The following PRKG1 variants were observed in gnomAD, a reference collection of about 807,000 sequenced individuals.
PRKG1 encodes the protein protein kinase cGMP-dependent 1, also known as cGMP-dependent protein kinase 1.
In PRKG1, 35 loss-of-function variants were observed where a neutral mutation model predicts 88.1. The observed-to-expected ratio is 0.40, with a 90% CI of 0.30 to 0.53. PRKG1 has a LOEUF of 0.53. PRKG1 is among the 20% of genes least tolerant of loss of function. PRKG1 has a pLI of 0.59. For missense variants in PRKG1, 540 were observed against 839.8 expected (o/e 0.64, Z 4.41); for synonymous variants, 303 against 292.5 (o/e 1.04, Z -0.37).
chr10:51,792,038 T>C (rs1838882128), intron 3 of PRKG1, among the ~76,000 whole-genome samples: 1 of 152,108 alleles, frequency 6.6e-6, no homozygotes, highest in South Asian at 2.1e-4. Flanking sequence ...GAAGAAGCTA[T>C]TGAATGTTTG....
chr10:52,083,487 G>A lies in PRKG1; in HGVS notation c.935+20856G>A, dbSNP rs538248440. Among the ~76,000 whole-genome samples the A allele has an allele frequency of 4.6e-5, 7 of 152,022 alleles. No individual in the cohort carries two copies. The South Asian group carries it at 6.2e-4, about 14-fold the overall frequency. On this transcript the variant is annotated intron_variant, in intron 7 of 17. Coordinates refer to ENST00000373980, the MANE Select transcript of PRKG1 (RefSeq NM_006258.4). ...ATCCGGAACACTTTAGAACAGGACCGGAACATAATATTCTATGCAGTCCTT... is the reference window on the plus strand; with the variant it reads ...ATCCGGAACACTTTAGAACAGGACCAGAACATAATATTCTATGCAGTCCTT...
At chr10:51,255,715 T>C (rs7083539) in intron 2 of PRKG1, among the ~76,000 whole-genome samples, 1,772 of 152,246 alleles carry the variant, frequency 0.012, 32 homozygotes, top group African/African-American at 0.039. Context: ...TGAGGCACTT[T>C]TATTAAATGG....
chr10:52,186,371 C>G (rs1427111746), intron 9 of PRKG1, among the ~76,000 whole-genome samples: 1 of 152,044 alleles, frequency 6.6e-6, no homozygotes, highest in African/African-American at 2.4e-5. Context: ...GGGACTGTTG[C>G]TTGGTGTGAT....
At chr10:51,805,886 AT>A (rs1257060525) in intron 4 of PRKG1, among the ~76,000 whole-genome samples, 1 of 152,054 alleles carries the variant, frequency 6.6e-6, no homozygotes, top group African/African-American at 2.4e-5. Flanking sequence ...CAGGGTGTTG[AT>A]TTTTTTCCTC....
intron 1 of PRKG1, among the ~76,000 whole-genome samples, chr10:51,000,706 G>A (rs2132714383): frequency 6.6e-6 from 1 of 152,194 alleles, no homozygotes; most frequent in East Asian, 1.9e-4. Flanking sequence ...GTGTAGCTAT[G>A]TTGCTGAGGG....
intron 3 of PRKG1, among the ~76,000 whole-genome samples, chr10:51,646,568 C>T (rs961922068): frequency 4.0e-5 from 6 of 151,866 alleles, no homozygotes; most frequent in Non-Finnish European, 2.9e-5. Flanking sequence ...TACTTACATC[C>T]GTAAACATTT....
At chr10:51,540,416 C>T (rs1842270912) in intron 3 of PRKG1, among the ~76,000 whole-genome samples, 1 of 152,088 alleles carries the variant, frequency 6.6e-6, no homozygotes, top group African/African-American at 2.4e-5. Flanking sequence ...TTCTATCTGG[C>T]ACAATGGTAA....
chr10:52,006,671 AG>A (rs1293719392), intron 5 of PRKG1, among the ~76,000 whole-genome samples: 2 of 152,208 alleles, frequency 1.3e-5, no homozygotes, highest in Non-Finnish European at 2.9e-5. Context: ...TCCCTGAAAG[AG>A]GGAAAAAACA....
intron 9 of PRKG1, among the ~76,000 whole-genome samples, chr10:52,216,131 GA>G (rs1840105805): frequency 6.6e-6 from 1 of 152,192 alleles, no homozygotes; most frequent in Non-Finnish European, 1.5e-5. Flanking sequence ...CTGCTTCCAA[GA>G]ATGCAAAGGA....
chr10:50,995,518 G>T (rs2132709782), intron 1 of PRKG1, among the ~76,000 whole-genome samples: 1 of 152,296 alleles, frequency 6.6e-6, no homozygotes, highest in African/African-American at 2.4e-5. Context: ...TTGGATGATG[G>T]TGATGATATT....
At chr10:51,281,274 T>TG (rs1840287183) in intron 2 of PRKG1, among the ~76,000 whole-genome samples, 1 of 152,254 alleles carries the variant, frequency 6.6e-6, no homozygotes, top group South Asian at 2.1e-4. Flanking sequence ...CTGCCCCTAC[T>TG]GGGGGGTGCC....
chr10:51,014,172 T>C (rs1383360059), intron 1 of PRKG1, among the ~76,000 whole-genome samples: 2 of 152,270 alleles, frequency 1.3e-5, no homozygotes, highest in African/African-American at 2.4e-5. Context: ...ATGTTGCATC[T>C]TCTCTTCCTA....
intron 1 of PRKG1, among the ~76,000 whole-genome samples, chr10:51,118,582 TA>T (rs759607135): frequency 2.6e-4 from 39 of 152,302 alleles, no homozygotes; most frequent in South Asian, 8.3e-4. Context: ...ATTTTCTCGA[TA>T]ATTTCTACAC....
At chr10:52,221,694 G>A (rs1269146109) in intron 9 of PRKG1, among the ~76,000 whole-genome samples, 1 of 152,084 alleles carries the variant, frequency 6.6e-6, no homozygotes, top group Admixed American at 6.6e-5. Flanking sequence ...TTTTTTACTT[G>A]TTTTACATAC....
intron 1 of PRKG1, among the ~76,000 whole-genome samples, chr10:51,100,181 A>G (rs184640024): frequency 1.3e-5 from 2 of 152,300 alleles, no homozygotes; most frequent in East Asian, 3.9e-4. Context: ...GAAATGAGCC[A>G]TCATACCTGG....
At chr10:52,112,914 TATG>T (rs1378658691) in intron 7 of PRKG1, among the ~76,000 whole-genome samples, 1 of 152,158 alleles carries the variant, frequency 6.6e-6, no homozygotes, top group Non-Finnish European at 1.5e-5. Flanking sequence ...GAGGATAAAA[TATG>T]ATAATTTATG....
chr10:51,571,086 G>C (rs550204782), intron 3 of PRKG1, among the ~76,000 whole-genome samples: 1 of 152,060 alleles, frequency 6.6e-6, no homozygotes, highest in Non-Finnish European at 1.5e-5. Flanking sequence ...TCCTATGCAA[G>C]TTGTTTAGAT....
intron 3 of PRKG1, among the ~76,000 whole-genome samples, chr10:51,798,426 T>A (rs1404575681): frequency 6.6e-6 from 1 of 152,082 alleles, no homozygotes; most frequent in Non-Finnish European, 1.5e-5. Context: ...CATTTTTATA[T>A]CCTTATTGGT....
intron 1 of PRKG1, among the ~76,000 whole-genome samples, chr10:51,012,972 G>C (rs1179050877): frequency 6.6e-6 from 1 of 152,170 alleles, no homozygotes. Context: ...ATGTGCATGG[G>C]CAAAGACATC....
Sources: allele counts gnomAD v4.1 joint callset (sites outside exome capture counted in the v4.1 genomes callset), GRCh38; gene constraint gnomAD v4.1.1; transcripts MANE v1.5; gene names NCBI Gene and HGNC (gene_info 2026-07-23, HGNC 2026-07-21).